Variants in NRXN3 observed in about 807,000 individuals in gnomAD.
NRXN3 encodes the protein neurexin III.
A neutral mutation model predicts 137.6 loss-of-function variants in NRXN3; 32 were observed. The observed-to-expected ratio is 0.23, with a 90% CI of 0.18 to 0.31. The LOEUF (loss-of-function observed/expected upper bound fraction) is 0.31. Ranked by LOEUF, NRXN3 falls within the 10% of genes least tolerant of loss-of-function variation. NRXN3 has a pLI of 1.00. For synonymous variants in NRXN3, 798 were observed against 784.5 expected (o/e 1.02, Z -0.29); for missense variants, 1,574 against 2,062.5 (o/e 0.76, Z 4.59).
intron 15 of NRXN3, among the ~76,000 whole-genome samples, chr14:79,363,229 A>T (rs2093750993): frequency 6.6e-6 from 1 of 152,086 alleles, no homozygotes; most frequent in African/African-American, 2.4e-5. Flanking sequence ...CAAACTCCTG[A>T]CCTCAGGTGA....
rs77251554 is a variant in NRXN3 at position 78,195,951 on chromosome 14, C to T, written c.-704+25277C>T. On this transcript the variant is annotated intron_variant, in intron 1 of 20. Coordinates refer to ENST00000335750, the MANE Select transcript of NRXN3 (RefSeq NM_001330195.2). Reference sequence around the variant, plus strand: ...AGGTAACTGGGCTTTGGGTCAAGCACCTTATCCATGGTCACACAGCCAGAA... The same window carrying T: ...AGGTAACTGGGCTTTGGGTCAAGCATCTTATCCATGGTCACACAGCCAGAA... 1.5e-3 allele frequency among the ~76,000 whole-genome samples: 228 copies of T among 152,316 alleles called. 3 individuals carry two copies. The highest frequency in any genetic ancestry group is 5.3e-3 in the African/African-American group (221 of 41,566).
At chr14:78,171,194 T>C (rs1357445800) in intron 1 of NRXN3, among the ~76,000 whole-genome samples, 1 of 150,696 alleles carries the variant, frequency 6.6e-6, no homozygotes, top group East Asian at 2.0e-4. Context: ...GTTGAGGAAT[T>C]GACGTGTATG....
chr14:78,697,074 G>T (rs2098233791), intron 6 of NRXN3, among the ~76,000 whole-genome samples: 1 of 152,098 alleles, frequency 6.6e-6, no homozygotes, highest in Non-Finnish European at 1.5e-5. Context: ...ATTCGTGATA[G>T]ATCACGTTTG....
chr14:78,782,952 G>A (rs758606067), intron 8 of NRXN3, among the ~76,000 whole-genome samples: 2 of 152,146 alleles, frequency 1.3e-5, no homozygotes, highest in Admixed American at 1.3e-4. Flanking sequence ...AATGTAGGAG[G>A]AAACAGGAAA....
chr14:79,468,019 T>A (rs1018750604), intron 16 of NRXN3, among the ~76,000 whole-genome samples: 3 of 152,162 alleles, frequency 2.0e-5, no homozygotes, highest in Non-Finnish European at 4.4e-5. Context: ...ATGTAATAAA[T>A]GTGTGATAAA....
intron 10 of NRXN3, among the ~76,000 whole-genome samples, chr14:78,925,113 C>T (rs529121377): frequency 6.6e-6 from 1 of 152,316 alleles, no homozygotes; most frequent in South Asian, 2.1e-4. Context: ...TTCTGACAAG[C>T]TCTCAATCCT....
intron 6 of NRXN3, among the ~76,000 whole-genome samples, chr14:78,691,594 C>CT (rs1351454419): frequency 6.6e-6 from 1 of 151,982 alleles, no homozygotes; most frequent in Non-Finnish European, 1.5e-5. Context: ...CAAATTTTTT[C>CT]TTTTTTCTTT....
intron 16 of NRXN3, among the ~76,000 whole-genome samples, chr14:79,537,927 A>G (rs1407516962): frequency 1.3e-5 from 2 of 152,048 alleles, no homozygotes; most frequent in Non-Finnish European, 2.9e-5. Context: ...AAGTGTTCCT[A>G]TTTCTCCACA....
intron 16 of NRXN3, among the ~76,000 whole-genome samples, chr14:79,588,530 G>A (rs577550267): frequency 3.4e-4 from 52 of 152,316 alleles, no homozygotes; most frequent in South Asian, 6.2e-4. Context: ...CTGTTAGGCA[G>A]ATTAAATTCT....
At chr14:78,218,196 G>GA (rs897525459) in intron 1 of NRXN3, among the ~76,000 whole-genome samples, 9 of 149,060 alleles carry the variant, frequency 6.0e-5, no homozygotes, top group Admixed American at 2.7e-4. Flanking sequence ...TGTCTCTACA[G>GA]AAAAAAAAAA....
intron 8 of NRXN3, among the ~76,000 whole-genome samples, chr14:78,750,814 T>A (rs1307949864): frequency 6.6e-6 from 1 of 152,202 alleles, no homozygotes; most frequent in Admixed American, 6.5e-5. Flanking sequence ...TCCTAGGCTC[T>A]CTGAGGGCCA....
intron 15 of NRXN3, among the ~76,000 whole-genome samples, chr14:79,000,564 G>A (rs1386845169): frequency 6.6e-6 from 1 of 152,120 alleles, no homozygotes; most frequent in Non-Finnish European, 1.5e-5. Context: ...TAGGCAGGGA[G>A]GTGTCATCTG....
At chr14:78,377,363 C>G (rs1417226074) in intron 4 of NRXN3, among the ~76,000 whole-genome samples, 1 of 152,108 alleles carries the variant, frequency 6.6e-6, no homozygotes. Context: ...CACTGCAATC[C>G]TAAATGTACA....
rs557766174 is a variant in NRXN3, at chr14:79,639,676, C to T, written c.3445-24102C>T. 3.3e-5 allele frequency among the ~76,000 whole-genome samples: 5 copies of T among 152,282 alleles called. No individual in the cohort carries two copies. The South Asian group carries it at 6.2e-4, about 19-fold the overall frequency. ...GTAGAAGATGAAACAAATTGAGGGC[C>T]AACCTCTTGAATCAAATTGCAAAGT... On this transcript the variant is annotated intron_variant, in intron 16 of 20. Transcript: ENST00000335750.
At chr14:79,471,491 T>G (rs2096507240) in intron 16 of NRXN3, among the ~76,000 whole-genome samples, 1 of 152,206 alleles carries the variant, frequency 6.6e-6, no homozygotes, top group South Asian at 2.1e-4. Flanking sequence ...GAAATCCCTA[T>G]GTATTAAAAT....
rs1053345746 is a variant in NRXN3, at chr14:79,455,176, T to C, written c.3263-12045T>C. 3.9e-5 allele frequency among the ~76,000 whole-genome samples: 6 copies of C among 152,334 alleles called. No homozygotes were observed. The East Asian group carries it at 7.7e-4, about 20-fold the overall frequency. On this transcript the variant is annotated intron_variant, in intron 15 of 20. Transcript: ENST00000335750. ...TGAGAAGTTCAAGATCTAGGTAGAT[T>C]GTATTGGTCTCTGGTGAGAATCTCT...
At chr14:79,009,132 C>G (rs1004808749) in intron 15 of NRXN3, among the ~76,000 whole-genome samples, 6 of 152,098 alleles carry the variant, frequency 3.9e-5, no homozygotes, top group African/African-American at 1.4e-4. Context: ...GTTTTAAACA[C>G]CTATTGAGTA....
chr14:79,274,973 G>A (rs1191613232), intron 15 of NRXN3, among the ~76,000 whole-genome samples: 1 of 152,148 alleles, frequency 6.6e-6, no homozygotes, highest in Non-Finnish European at 1.5e-5. Flanking sequence ...ACTTGTAGAA[G>A]TGATGTCTAA....
At chr14:78,480,507 C>A (rs1468606423) in intron 4 of NRXN3, among the ~76,000 whole-genome samples, 2 of 152,128 alleles carry the variant, frequency 1.3e-5, no homozygotes, top group East Asian at 3.9e-4. Context: ...CCAGGAATCT[C>A]ATTTTAAGAA....
Sources: allele counts gnomAD v4.1 joint callset (sites outside exome capture counted in the v4.1 genomes callset), GRCh38; gene constraint gnomAD v4.1.1; transcripts MANE v1.5; gene names NCBI Gene and HGNC (gene_info 2026-07-23, HGNC 2026-07-21).